Variants in AGAP1 observed in about 807,000 individuals in gnomAD.
AGAP1 encodes the protein ArfGAP with GTPase domain, ankyrin repeat and PH domain 1.
Under a neutral mutation model 105.3 loss-of-function variants are expected in AGAP1, and 29 were observed. The ratio of observed to expected loss-of-function variants is 0.28; its 90% confidence interval spans 0.21 to 0.38. AGAP1 has a LOEUF of 0.38. AGAP1 is among the 10% of genes least tolerant of loss of function. The probability of loss-of-function intolerance (pLI) is 1.00; values close to 1 mark genes in which losing one functional copy is unlikely to be tolerated. For synonymous variants in AGAP1, 509 were observed against 485.9 expected (o/e 1.05, Z -0.63); for missense variants, 998 against 1,165.1 (o/e 0.86, Z 2.09).
intron 6 of AGAP1, among the ~76,000 whole-genome samples, chr2:235,778,173 C>CT (rs1956022713): frequency 1.3e-5 from 2 of 152,186 alleles, no homozygotes; most frequent in Admixed American, 6.5e-5. Flanking sequence ...TCTGACTCCC[C>CT]TCCCTTCCTC....
At chr2:235,632,631 ATTGCTTCAG>A (rs1374549079) in intron 1 of AGAP1, among the ~76,000 whole-genome samples, 3 of 152,024 alleles carry the variant, frequency 2.0e-5, no homozygotes, top group South Asian at 2.1e-4. Flanking sequence ...GGAAACTTTG[ATTGCTTCAG>A]TTGCTTCAGT....
intron 1 of AGAP1, among the ~76,000 whole-genome samples, chr2:235,628,819 TTTTG>T (rs546747509): frequency 9.4e-4 from 143 of 152,096 alleles, no homozygotes; most frequent in South Asian, 3.8e-3. Context: ...ATCATTCTTT[TTTTG>T]TTTGTTTGTT....
intron 1 of AGAP1, among the ~76,000 whole-genome samples, chr2:235,657,182 A>G (rs1330629696): frequency 6.6e-6 from 1 of 152,184 alleles, no homozygotes; most frequent in East Asian, 1.9e-4. Flanking sequence ...GTCTCTCTCA[A>G]TCCTGAGTTA....
At chr2:235,876,144 C>T (rs978041708) in intron 9 of AGAP1, among the ~76,000 whole-genome samples, 1 of 152,140 alleles carries the variant, frequency 6.6e-6, no homozygotes, top group Non-Finnish European at 1.5e-5. Flanking sequence ...TCATTGTTCT[C>T]TAGCTTCCTC....
intron 14 of AGAP1, among the ~76,000 whole-genome samples, chr2:236,039,287 A>G (rs2057476890): frequency 6.6e-6 from 1 of 152,078 alleles, no homozygotes; most frequent in South Asian, 2.1e-4. Flanking sequence ...CTCTACAAAA[A>G]AATTTTTAAA....
chr2:235,730,117 A>G (rs1022419871), intron 3 of AGAP1, among the ~76,000 whole-genome samples: 1 of 152,136 alleles, frequency 6.6e-6, no homozygotes, highest in African/African-American at 2.4e-5. Context: ...ACAGCTCATA[A>G]GCCCGTACTT....
At chr2:235,709,131 C>A (rs1224275829) in intron 1 of AGAP1, 48 bp from the exon 2 acceptor site, 2 of 1,598,958 alleles carry the variant, frequency 1.3e-6, no homozygotes, top group East Asian at 4.5e-5. Context: ...TTTGACTTGG[C>A]CTTTACGTGA....
At chr2:235,560,845 C>T (rs951167152) in intron 1 of AGAP1, among the ~76,000 whole-genome samples, 2 of 152,192 alleles carry the variant, frequency 1.3e-5, no homozygotes, top group African/African-American at 4.8e-5. Flanking sequence ...GATGAGTGCA[C>T]CTCCCCTTTC....
chr2:235,750,230 C>T lies in AGAP1; in HGVS notation c.539-124C>T. 7.2e-7 allele frequency: 1 copy of T among 1,379,846 alleles called. No homozygotes were observed. Among genetic ancestry groups the T allele is most frequent in the Non-Finnish European group, 1.0e-6 (1 of 997,788 alleles). The allele number at this position is 1,379,846 out of a possible 1,614,324, so 85.5% of individuals were successfully genotyped here. On this transcript the variant is annotated intron_variant, in intron 5 of 17. Coordinates refer to ENST00000304032, the MANE Select transcript of AGAP1 (RefSeq NM_001037131.3). This position sits in a 1 kb window ranked among gnomAD's most constrained non-coding sequence, Gnocchi z 5.3. ...GGAGGCAAACGATGCTCTACAATTC[C>T]AGATTCATAAACTAATTACATTTCT...
chr2:235,653,309 A>C (rs548766425), intron 1 of AGAP1, among the ~76,000 whole-genome samples: 8 of 151,094 alleles, frequency 5.3e-5, no homozygotes, highest in East Asian at 4.0e-4. Context: ...CCTAAAAATA[A>C]AAAAATTAGC....
chr2:235,683,570 G>A (rs955719148), intron 1 of AGAP1, among the ~76,000 whole-genome samples: 1 of 151,518 alleles, frequency 6.6e-6, no homozygotes, highest in Non-Finnish European at 1.5e-5. Context: ...CTAAATGTAA[G>A]TTTGTAAAAT....
Position 235,951,202 on chromosome 2 carries a change from TAGA to T in AGAP1, c.1484-17256_1484-17254del, listed in dbSNP as rs1559686273. ...GGAGCTGCTTTGAAAGGCTGTGCTT[TAGA>T]AGACACTTCCGACTTTGATCTGCAG... On this transcript the variant is annotated intron_variant, in intron 12 of 17. Coordinates refer to ENST00000304032, the MANE Select transcript of AGAP1 (RefSeq NM_001037131.3). The surrounding 1 kb of genome is among the most constrained non-coding windows in gnomAD (Gnocchi z 4.2). 6.6e-6 allele frequency among the ~76,000 whole-genome samples: 1 copy of T among 152,214 alleles called. No individual in the cohort carries two copies. Among genetic ancestry groups the T allele is most frequent in the African/African-American group, 2.4e-5 (1 of 41,454 alleles).
rs1261779871 is a variant in AGAP1 at position 235,609,007 on chromosome 2, T to C, written c.164-100172T>C. Among the ~76,000 whole-genome samples the C allele has an allele frequency of 6.6e-6, 1 of 151,960 alleles. No individual in the cohort carries two copies. The highest frequency in any genetic ancestry group is 1.9e-4 in the East Asian group (1 of 5,166). The stretch of plus-strand genomic sequence containing the variant: ...AATAATAATTACAGAAGAGCAAATT[T>C]AAGAAGCTAAGGAGGGAGGAAGGAG... On this transcript the variant is annotated intron_variant, in intron 1 of 17. Transcript: ENST00000304032. The surrounding 1 kb of genome is among the most constrained non-coding windows in gnomAD (Gnocchi z 5.1).
At position 235,908,706 on chromosome 2, in the gene AGAP1, T is replaced by TTTTTTTTTTTTTTTTTTTTTTA; in HGVS notation, c.1156-32_1156-31insTTTTTTTTTTTTTTTTTTTTTA. The TTTTTTTTTTTTTTTTTTTTTTA allele has an allele frequency of 6.7e-7, 1 of 1,499,478 alleles. No individual in the cohort carries two copies. The highest frequency in any genetic ancestry group is 9.0e-7 in the Non-Finnish European group (1 of 1,114,240). 92.9% of individuals were successfully genotyped at this position (1,499,478 alleles called of 1,614,324 possible). ...TTGTAAAAGGTCTTTTTTTTTTTTT[T>TTTTTTTTTTTTTTTTTTTTTTA]ATCTCTCTTGGATGTTTAACATTTT... On this transcript the variant is annotated intron_variant, in intron 10 of 17. Transcript: ENST00000304032. The surrounding 1 kb of genome is among the most constrained non-coding windows in gnomAD (Gnocchi z 4.4).
rs547064715 is a variant in AGAP1, at chr2:235,634,782, C to T, written c.164-74397C>T. Among the ~76,000 whole-genome samples, 14 of 152,158 alleles carry T rather than the reference C, an allele frequency of 9.2e-5. No homozygotes were observed. In the South Asian group the frequency reaches 2.9e-3, roughly 32 times the overall value. ...TTTTTTTATTTTGATCAAAATAAAA[C>T]CATCTTTTCAAAATGTCAAAATGTT... On this transcript the variant is annotated intron_variant, in intron 1 of 17. Transcript: ENST00000304032.
chr2:235,637,577 C>T (rs534666380), intron 1 of AGAP1, among the ~76,000 whole-genome samples: 56 of 152,034 alleles, frequency 3.7e-4, no homozygotes, highest in Non-Finnish European at 1.9e-4. Context: ...CCACCGTGCT[C>T]GGCCTTCATT....
chr2:235,968,446 TC>T lies in AGAP1; in HGVS notation c.1484-14del. 6.4e-7 allele frequency: 1 copy of T among 1,558,498 alleles called. No individual in the cohort carries two copies. Among genetic ancestry groups the T allele is most frequent in the Non-Finnish European group, 8.6e-7 (1 of 1,160,528 alleles). The stretch of plus-strand genomic sequence containing the variant: ...CATTTTTTTTTTTTTTTTTGCCTTT[TC>T]CGGTCCAATGGCAGACACAGGGCTG... On this transcript the variant is annotated splice_polypyrimidine_tract_variant and intron_variant, in intron 12 of 17. Coordinates refer to ENST00000304032, the MANE Select transcript of AGAP1 (RefSeq NM_001037131.3).
At chr2:236,084,043 C>T (rs1190706728) in intron 16 of AGAP1, among the ~76,000 whole-genome samples, 1 of 152,154 alleles carries the variant, frequency 6.6e-6, no homozygotes, top group African/African-American at 2.4e-5. Flanking sequence ...GGAAGACTCA[C>T]AAAGTCTGGA....
chr2:235,746,697 C>T (rs752321941), intron 5 of AGAP1, among the ~76,000 whole-genome samples: 3 of 152,058 alleles, frequency 2.0e-5, no homozygotes, highest in Non-Finnish European at 4.4e-5. Flanking sequence ...CGAATAAGCT[C>T]CCCTTCCTGC....
Sources: allele counts gnomAD v4.1 joint callset (sites outside exome capture counted in the v4.1 genomes callset), GRCh38; gene constraint gnomAD v4.1.1; non-coding constraint Gnocchi (gnomAD v3.1); transcripts MANE v1.5; gene names NCBI Gene and HGNC (gene_info 2026-07-23, HGNC 2026-07-21).